The following ADAT2 variants were observed in gnomAD, a reference collection of about 807,000 sequenced individuals.
ADAT2 encodes the protein adenosine deaminase tRNA specific 2, also known as tRNA-specific adenosine-34 deaminase catalytic subunit ADAT2.
Under a neutral mutation model 25.9 loss-of-function variants are expected in ADAT2, and 26 were observed. The observed-to-expected ratio is 1.00, with a 90% CI of 0.74 to 1.39. ADAT2 has a LOEUF of 1.39. Ranked by LOEUF, ADAT2 falls within the 40% of genes most tolerant of loss-of-function variation. The pLI is 0.00. For synonymous variants in ADAT2, 76 were observed against 86.8 expected, an observed-to-expected ratio of 0.88 and a Z score of 0.69; for missense variants, 220 against 244.8, an observed-to-expected ratio of 0.90 and a Z score of 0.68.
At chr6:143,447,357 C>T (rs532948420) in intron 1 of ADAT2, among the ~76,000 whole-genome samples, 4 of 152,204 alleles carry the variant, frequency 2.6e-5, no homozygotes, top group African/African-American at 9.6e-5. Flanking sequence ...ATCCTTTGTC[C>T]CATTTTAGGT....
chr6:143,438,443 T>C (rs1159098157), intron 2 of ADAT2, 147 bp downstream of exon 2: 1 of 495,282 alleles, frequency 2.0e-6, no homozygotes, highest in African/African-American at 2.0e-5. Flanking sequence ...AAAATGATAC[T>C]GAAAAAGAGA....
chr6:143,442,974 T>C lies in ADAT2; in HGVS notation c.97-4280A>G, dbSNP rs982551659. On this transcript the variant is annotated intron_variant, in intron 1 of 5. Coordinates refer to ENST00000237283, the MANE Select transcript of ADAT2 (RefSeq NM_182503.3). The surrounding 1 kb of genome is among the most constrained non-coding windows in gnomAD (Gnocchi z 4.6). ...AAACCTCTTAAGAGAGGTAATGTTT[T>C]GTCTGCATCTCGAGTATTCTGGTTC... Among the ~76,000 whole-genome samples the C allele has an allele frequency of 1.8e-4, 27 of 152,356 alleles. No homozygotes were observed. Among genetic ancestry groups the C allele is most frequent in the African/African-American group, 6.3e-4 (26 of 41,588 alleles).
chr6:143,434,928 G>A lies in ADAT2; in HGVS notation c.202-947C>T, dbSNP rs1471398320. 6.6e-6 allele frequency among the ~76,000 whole-genome samples: 1 copy of A among 152,080 alleles called. No homozygotes were observed. Reference sequence around the variant, plus strand: ...ATTCTGTGTAGGATAAAAAGTCTCTGTCCTCAACAAGCATAAAATCTGGTA... The same window carrying A: ...ATTCTGTGTAGGATAAAAAGTCTCTATCCTCAACAAGCATAAAATCTGGTA... On this transcript the variant is annotated intron_variant, in intron 2 of 5. Transcript: ENST00000237283. The surrounding 1 kb of genome is among the most constrained non-coding windows in gnomAD (Gnocchi z 4.5).
In ADAT2 at chr6:143,444,357, G is replaced by A. The variant is rs901856438; in HGVS notation, c.97-5663C>T. Among the ~76,000 whole-genome samples the A allele has an allele frequency of 6.6e-6, 1 of 152,020 alleles. No individual in the cohort carries two copies. The highest frequency in any genetic ancestry group is 2.4e-5 in the African/African-American group (1 of 41,368). ...TGGAATGGTAGGCAGGGGAGGGGGC[G>A]GTGAGAATAACACAAAGCCCCATGG... On this transcript the variant is annotated intron_variant, in intron 1 of 5. Coordinates refer to ENST00000237283, the MANE Select transcript of ADAT2 (RefSeq NM_182503.3). This position sits in a 1 kb window ranked among gnomAD's most constrained non-coding sequence, Gnocchi z 4.3.
At chr6:143,445,171 A>G (rs983342707) in intron 1 of ADAT2, among the ~76,000 whole-genome samples, 2 of 151,894 alleles carry the variant, frequency 1.3e-5, no homozygotes, top group Admixed American at 1.3e-4. Context: ...TATTCCATCA[A>G]CTTTAAATTC....
chr6:143,424,874 AATGT>A lies in ADAT2; in HGVS notation c.*3585_*3588del, dbSNP rs1175425842. ...AGTGTCAAATACATTTTCTGTTTAA[AATGT>A]AACAGCTCCTCTTCCCACAGACTGC... On this transcript the variant is annotated 3_prime_UTR_variant, in exon 6 of 6. Transcript: ENST00000237283. The surrounding 1 kb of genome is among the most constrained non-coding windows in gnomAD (Gnocchi z 4.8). The A allele has an allele frequency of 6.6e-6, 1 of 152,210 alleles. No homozygotes were observed. The highest frequency in any genetic ancestry group is 1.5e-5 in the Non-Finnish European group (1 of 68,040). The allele number at this position is 152,210 out of a possible 1,614,324, so 9.4% of individuals were successfully genotyped here. A position where few individuals can be genotyped will look rare whatever the true frequency, so the allele number is the denominator to read the frequency against.
At chr6:143,438,480 G>A (rs748261523) in intron 2 of ADAT2, 110 bp downstream of exon 2, 2 of 649,764 alleles carry the variant, frequency 3.1e-6, no homozygotes, top group South Asian at 6.0e-5. Context: ...ACCCACCACT[G>A]GCAGCTACGG....
chr6:143,440,322 C>T lies in ADAT2; in HGVS notation c.97-1628G>A, dbSNP rs1197043579. Among the ~76,000 whole-genome samples, 1 of 152,176 alleles carries T rather than the reference C, an allele frequency of 6.6e-6. No homozygotes were observed. The highest frequency in any genetic ancestry group is 1.5e-5 in the Non-Finnish European group (1 of 68,034). ...AAAACAGTGTCTTCTGTCTCCTGCA[C>T]CAGTCTCTTACTCCCAGTTCTACTT... On this transcript the variant is annotated intron_variant, in intron 1 of 5. Coordinates refer to ENST00000237283, the MANE Select transcript of ADAT2 (RefSeq NM_182503.3). The surrounding 1 kb of genome is among the most constrained non-coding windows in gnomAD (Gnocchi z 4.5).
intron 1 of ADAT2, among the ~76,000 whole-genome samples, chr6:143,450,207 G>C (rs1445937774): frequency 6.6e-6 from 1 of 152,058 alleles, no homozygotes; most frequent in Non-Finnish European, 1.5e-5. Flanking sequence ...CCTTCTGCTG[G>C]ACATGTTCCA....
rs1779157221 is a variant in ADAT2 at position 143,432,825 on chromosome 6, CAG to C, written c.353-216_353-215del. Among the ~76,000 whole-genome samples the C allele has an allele frequency of 6.6e-6, 1 of 152,190 alleles. No homozygotes were observed. The highest frequency in any genetic ancestry group is 1.5e-5 in the Non-Finnish European group (1 of 68,024). On this transcript the variant is annotated intron_variant, in intron 3 of 5. Coordinates refer to ENST00000237283, the MANE Select transcript of ADAT2 (RefSeq NM_182503.3). The surrounding 1 kb of genome is among the most constrained non-coding windows in gnomAD (Gnocchi z 4.4). ...GAAATTGACATTTAACAACTGCAAA[CAG>C]AATGAAAACTGAGTATGTGTTTGCT... is the stretch of plus-strand genomic sequence containing the variant.
At chr6:143,435,031 G>A (rs1031503599) in intron 2 of ADAT2, among the ~76,000 whole-genome samples, 8 of 152,024 alleles carry the variant, frequency 5.3e-5, no homozygotes, top group African/African-American at 1.7e-4. Flanking sequence ...GAAGCTAGAG[G>A]CAGATGGGAG....
Position 143,434,419 on chromosome 6 carries a change from C to A in ADAT2, c.202-438G>T, listed in dbSNP as rs1200568585. ...ACTCCAAGCAAATCTACATTAAGTT[C>A]ACTGGAATGTCATCTCTTACACTTT... On this transcript the variant is annotated intron_variant, in intron 2 of 5. Coordinates refer to ENST00000237283, the MANE Select transcript of ADAT2 (RefSeq NM_182503.3). The surrounding 1 kb of genome is among the most constrained non-coding windows in gnomAD (Gnocchi z 4.5). 6.6e-6 allele frequency among the ~76,000 whole-genome samples: 1 copy of A among 152,182 alleles called. No homozygotes were observed. Among genetic ancestry groups the A allele is most frequent in the Non-Finnish European group, 1.5e-5 (1 of 68,042 alleles).
intron 2 of ADAT2, 121 bp downstream of exon 2, chr6:143,438,469 T>C (rs780529399): frequency 1.2e-5 from 7 of 577,118 alleles, no homozygotes. Context: ...TAAGAAAAGC[T>C]ACCCACCACT....
chr6:143,426,230 T>C lies in ADAT2; in HGVS notation c.*2233A>G, dbSNP rs1488165476. 1 of 152,208 alleles carries C rather than the reference T, an allele frequency of 6.6e-6. No homozygotes were observed. 9.4% of individuals were successfully genotyped at this position (152,208 alleles called of 1,614,324 possible). A position where few individuals can be genotyped will look rare whatever the true frequency, so the allele number is the denominator to read the frequency against. On this transcript the variant is annotated 3_prime_UTR_variant, in exon 6 of 6. Transcript: ENST00000237283. This position sits in a 1 kb window ranked among gnomAD's most constrained non-coding sequence, Gnocchi z 4.1. ...GTTGAACTAGGACATCTTAATATTT[T>C]AACCCGTGTCTAAGTAGCTGGGGAA...
At chr6:143,438,021 G>A (rs1779342539) in intron 2 of ADAT2, among the ~76,000 whole-genome samples, 1 of 152,176 alleles carries the variant, frequency 6.6e-6, no homozygotes. Context: ...TGTAGCTACA[G>A]AGGCAGCTGG....
chr6:143,449,883 T>A (rs1779709717), intron 1 of ADAT2: 1 of 152,220 alleles, frequency 6.6e-6, no homozygotes, highest in Non-Finnish European at 1.5e-5. Flanking sequence ...AGTACTTGGA[T>A]GGGACAATAG....
Sources: gnomAD v4.1 joint callset for allele counts (sites outside exome capture counted in the v4.1 genomes callset) on GRCh38, gnomAD v4.1.1 for gene constraint, Gnocchi (gnomAD v3.1) non-coding constraint, MANE v1.5 for transcripts, NCBI Gene and HGNC (gene_info 2026-07-23, HGNC 2026-07-21) for gene names.